RIMKLB: variants seen among roughly 807,000 people sequenced by gnomAD.
RIMKLB encodes ribosomal modification protein rimK like family member B.
A neutral mutation model predicts 32.0 loss-of-function variants in RIMKLB; 7 were observed. The observed-to-expected ratio is 0.22, with a 90% confidence interval of 0.12 to 0.41. The LOEUF is 0.41. Ranked by LOEUF, RIMKLB falls within the 10% of genes least tolerant of loss-of-function variation. The pLI, the probability that RIMKLB is intolerant of heterozygous loss-of-function variation, is 1.00. For synonymous variants in RIMKLB, 172 were observed against 185.1 expected, an observed-to-expected ratio of 0.93 and a Z score of 0.57; for missense variants, 289 against 498.7, an observed-to-expected ratio of 0.58 and a Z score of 4.00.
intron 2 of RIMKLB, among the ~76,000 whole-genome samples, chr12:8,748,466 C>T (rs1029579298): frequency 6.6e-6 from 1 of 150,980 alleles, no homozygotes; most frequent in Non-Finnish European, 1.5e-5. Flanking sequence ...TCCACAGTTC[C>T]AAGCATCCAT....
At chr12:8,678,289 T>C (rs1194006649), upstream of RIMKLB, among the ~76,000 whole-genome samples, 3 of 151,950 alleles carry the variant, frequency 2.0e-5, no homozygotes, top group Non-Finnish European at 4.4e-5. Context: ...GTGCTAGGAT[T>C]ACAAGTGTGA....
chr12:8,737,836 T>C (rs929336416), intron 2 of RIMKLB, among the ~76,000 whole-genome samples: 1 of 152,206 alleles, frequency 6.6e-6, no homozygotes, highest in African/African-American at 2.4e-5. Context: ...TCCCTCAGCC[T>C]TCCAAGTAGC....
chr12:8,768,936 C>T (rs554638558), intron 5 of RIMKLB, among the ~76,000 whole-genome samples: 1 of 152,220 alleles, frequency 6.6e-6, no homozygotes, highest in East Asian at 1.9e-4. Flanking sequence ...TTAAAAAATT[C>T]TATCTTTCTG....
At chr12:8,711,520 A>G (rs1388423067) in intron 1 of RIMKLB, among the ~76,000 whole-genome samples, 1 of 151,308 alleles carries the variant, frequency 6.6e-6, no homozygotes, top group African/African-American at 2.5e-5. Context: ...ACTGATTACA[A>G]ACTTTTTTTT....
At chr12:8,682,464 C>A (rs1235397435) in intron 1 of RIMKLB, among the ~76,000 whole-genome samples, 1 of 152,032 alleles carries the variant, frequency 6.6e-6, no homozygotes, top group East Asian at 1.9e-4. Context: ...ATGAGTCAGT[C>A]AAGGAGTCAA....
At chr12:8,778,533 C>T (rs1950865416), downstream of RIMKLB, among the ~76,000 whole-genome samples, 1 of 152,112 alleles carries the variant, frequency 6.6e-6, no homozygotes, top group Admixed American at 6.5e-5. Context: ...TTCTGAAGCA[C>T]AAGATGGCTA....
At chr12:8,769,970 A>C (rs954642932) in intron 5 of RIMKLB, among the ~76,000 whole-genome samples, 4 of 141,442 alleles carry the variant, frequency 2.8e-5, no homozygotes, top group Non-Finnish European at 4.6e-5. Flanking sequence ...TGTAGCAATA[A>C]TTTTTTTTTT....
chr12:8,766,024 C>T (rs998491671), intron 5 of RIMKLB, among the ~76,000 whole-genome samples: 5 of 151,954 alleles, frequency 3.3e-5, no homozygotes, highest in Non-Finnish European at 7.4e-5. Flanking sequence ...TAAGTCATTT[C>T]TTTCTTAGCG....
intron 5 of RIMKLB, among the ~76,000 whole-genome samples, chr12:8,770,591 C>T (rs978275148): frequency 2.6e-5 from 4 of 152,074 alleles, no homozygotes; most frequent in Admixed American, 2.0e-4. Flanking sequence ...ATTATTTTTC[C>T]TGGTGGGCTA....
At chr12:8,668,936 T>C in the RIMKLB span, 1 of 151,672 alleles carries the variant, frequency 6.6e-6, no homozygotes, top group Non-Finnish European at 1.5e-5. Flanking sequence ...ATAACTAATA[T>C]GTTGTATAAC....
In RIMKLB at chr12:8,714,013, G is replaced by A. The variant is rs1425780365; in HGVS notation, c.147G>A (p.Val49=). 1 of 1,613,946 alleles carries A rather than the reference G, an allele frequency of 6.2e-7. No homozygotes were observed. Among genetic ancestry groups the A allele is most frequent in the Admixed American group, 1.7e-5 (1 of 59,970 alleles). The part of the protein sequence containing the change: ...LDFRAVVMDE[V]VLTIEQGNLG... ...TTAGGGCTGTGGTGATGGATGAGGT[G>A]GTGCTGACAATCGAGCAAGGAAACC... Residue 49 remains valine, a synonymous_variant, in exon 2 of 6, where the codon GTG becomes GTA. Transcript: ENST00000535829.
At chr12:8,731,083 C>T (rs1023273652) in intron 2 of RIMKLB, among the ~76,000 whole-genome samples, 2 of 149,016 alleles carry the variant, frequency 1.3e-5, no homozygotes, top group Admixed American at 1.4e-4. Flanking sequence ...GTGCTGTAGA[C>T]CTTTCACTGT....
At chr12:8,688,560 A>ACATAGTTCTTAGTCTCCCCCATTT (rs1285301393) in intron 1 of RIMKLB, among the ~76,000 whole-genome samples, 1 of 152,234 alleles carries the variant, frequency 6.6e-6, no homozygotes, top group African/African-American at 2.4e-5. Flanking sequence ...TACTCCAGTG[A>ACATAGTTCTTAGTCTCCCCCATTT]CATAGTTCTT....
intron 1 of RIMKLB, among the ~76,000 whole-genome samples, chr12:8,691,828 T>G (rs984452773): frequency 6.6e-6 from 1 of 152,162 alleles, no homozygotes; most frequent in Non-Finnish European, 1.5e-5. Context: ...CTTCCAGACT[T>G]CATTCATTCA....
intron 2 of RIMKLB, among the ~76,000 whole-genome samples, chr12:8,732,946 T>C (rs1308346662): frequency 6.6e-6 from 1 of 152,202 alleles, no homozygotes; most frequent in East Asian, 1.9e-4. Context: ...ATAGGTCTTC[T>C]TATTGGTGGA....
intron 1 of RIMKLB, among the ~76,000 whole-genome samples, chr12:8,705,203 A>C: frequency 6.6e-6 from 1 of 152,198 alleles, no homozygotes; most frequent in Middle Eastern, 3.4e-3. Flanking sequence ...TGGGCCAGGC[A>C]TGGTGGCTCA....
chr12:8,682,990 A>T (rs1045736299), intron 1 of RIMKLB, among the ~76,000 whole-genome samples: 20 of 151,886 alleles, frequency 1.3e-4, no homozygotes, highest in Non-Finnish European at 2.5e-4. Flanking sequence ...CCTGAATGTC[A>T]TATAGTTAGA....
upstream of RIMKLB, among the ~76,000 whole-genome samples, chr12:8,696,892 C>CTGG (rs1357734308): frequency 2.6e-5 from 4 of 152,168 alleles, no homozygotes; most frequent in African/African-American, 7.2e-5. Context: ...TACCTCACAC[C>CTGG]TGGTGTCTCT....
intron 1 of RIMKLB, among the ~76,000 whole-genome samples, chr12:8,686,530 A>T (rs2136547534): frequency 6.7e-6 from 1 of 149,942 alleles, no homozygotes; most frequent in Non-Finnish European, 1.5e-5. Flanking sequence ...CCCAGGCTGG[A>T]GTGCAGTGGC....
Sources: allele counts gnomAD v4.1 joint callset (sites outside exome capture counted in the v4.1 genomes callset), GRCh38; gene constraint gnomAD v4.1.1; transcripts MANE v1.5; gene names NCBI Gene and HGNC (gene_info 2026-07-23, HGNC 2026-07-21).